The following KMT2C variants were observed in gnomAD, a reference collection of about 807,000 sequenced individuals.
KMT2C encodes lysine methyltransferase 2C, also known as histone-lysine N-methyltransferase 2C.
In KMT2C, 88 loss-of-function variants were observed where a neutral mutation model predicts 507.9. The observed-to-expected ratio is 0.17, with a 90% CI of 0.15 to 0.21. KMT2C has a LOEUF of 0.21. Among genes scored for constraint, KMT2C ranks in the 10% least tolerant of loss-of-function variants. The probability of loss-of-function intolerance (pLI) is 1.00; values close to 1 mark genes in which losing one functional copy is unlikely to be tolerated. For synonymous variants in KMT2C, 2,049 were observed against 2,080.8 expected, an observed-to-expected ratio of 0.98 and a Z score of 0.42; for missense variants, 4,954 against 5,957.8, an observed-to-expected ratio of 0.83 and a Z score of 5.55.
At chr7:152,271,345 T>A (rs1367396713) in intron 7 of KMT2C, among the ~76,000 whole-genome samples, 5 of 151,972 alleles carry the variant, frequency 3.3e-5, no homozygotes, top group Non-Finnish European at 7.4e-5. Flanking sequence ...AACAGATGGG[T>A]CAGAACGCTG....
chr7:152,280,693 C>T (rs926342962), intron 6 of KMT2C, among the ~76,000 whole-genome samples: 5 of 152,160 alleles, frequency 3.3e-5, no homozygotes, highest in South Asian at 4.1e-4. Context: ...ACAGAGAGCA[C>T]AGGTGAGCCT....
intron 38 of KMT2C, among the ~76,000 whole-genome samples, chr7:152,175,332 A>T (rs2093153568): frequency 6.6e-6 from 1 of 151,218 alleles, no homozygotes; most frequent in African/African-American, 2.4e-5. Context: ...ATTTTTTTTT[A>T]ATTATTATAC....
At position 152,144,844 on chromosome 7, in the gene KMT2C, A is replaced by G. The variant is rs2129092825; in HGVS notation, c.14212T>C (p.Phe4738Leu). ...TLNSTSTSKS[F>L]QSTVTGELNA... is the part of the protein sequence containing the mutation. Reference sequence around the variant, plus strand: ...AGTTCTCCAGTGACTGTGCTCTGAAATGACTTTGAGGTGCTGGTGCTGTTT... The same window carrying G: ...AGTTCTCCAGTGACTGTGCTCTGAAGTGACTTTGAGGTGCTGGTGCTGTTT... The change falls in exon 55 of 59, where the codon TTT becomes CTT. Residue 4738 changes from phenylalanine to leucine, a missense_variant. By Grantham distance (22) the Phe-to-Leu change is conservative. Transcript: ENST00000262189. The surrounding 1 kb of genome is among the most constrained non-coding windows in gnomAD (Gnocchi z 4.4). The G allele has an allele frequency of 2.5e-6, 4 of 1,614,138 alleles. No homozygotes were observed. The highest frequency in any genetic ancestry group is 3.4e-6 in the Non-Finnish European group (4 of 1,179,986).
chr7:152,311,776 A>G (rs767981839), intron 5 of KMT2C, 22 bp downstream of exon 5: 2 of 1,535,584 alleles, frequency 1.3e-6, no homozygotes, highest in Non-Finnish European at 1.8e-6. Context: ...AGAGGCAGTC[A>G]TTATTGAAAA....
intron 23 of KMT2C, among the ~76,000 whole-genome samples, chr7:152,215,749 T>C (rs1457690948): frequency 1.4e-5 from 2 of 147,826 alleles, no homozygotes; most frequent in African/African-American, 2.6e-5. Context: ...CACACACACA[T>C]TTCCTTATAC....
In KMT2C at chr7:152,154,051, G is replaced by C. The variant is rs776045872; in HGVS notation, c.12235C>G (p.Leu4079Val). The change falls in exon 48 of 59, where the codon CTT becomes GTT. Residue 4079 changes from leucine (L) to valine (V), a missense_variant. Leu to Val is a conservative substitution (Grantham distance 32, BLOSUM62 1). Transcript: ENST00000262189. The stretch of plus-strand genomic sequence containing the variant: ...TGCAGAGTAATTGCTACAGATATAA[G>C]ACCTGATCTGGGACCATTTGGGGAA... ...GPSPNGPRSGLISVAITLHPT... is the reference protein window; with the variant it reads ...GPSPNGPRSGVISVAITLHPT... 1.9e-6 allele frequency: 3 copies of C among 1,613,906 alleles called. No homozygotes were observed. Among genetic ancestry groups the C allele is most frequent in the Non-Finnish European group, 2.5e-6 (3 of 1,179,944 alleles).
intron 9 of KMT2C, among the ~76,000 whole-genome samples, chr7:152,252,933 A>G (rs914352690): frequency 6.6e-6 from 1 of 151,924 alleles, no homozygotes; most frequent in Non-Finnish European, 1.5e-5. Context: ...GCTCACTGCA[A>G]CCTCTGCCTC....
intron 6 of KMT2C, among the ~76,000 whole-genome samples, chr7:152,301,387 T>C (rs796886693): frequency 6.6e-6 from 1 of 151,512 alleles, no homozygotes; most frequent in African/African-American, 2.4e-5. Context: ...TGGGCACCTG[T>C]AATCCCAGCT....
intron 2 of KMT2C, among the ~76,000 whole-genome samples, chr7:152,333,695 T>C (rs1405213171): frequency 1.3e-5 from 2 of 152,228 alleles, no homozygotes; most frequent in Non-Finnish European, 2.9e-5. Flanking sequence ...GAAAAGTATT[T>C]TGAAAAACAA....
At chr7:152,385,381 G>A (rs2097415555) in intron 1 of KMT2C, among the ~76,000 whole-genome samples, 1 of 136,970 alleles carries the variant, frequency 7.3e-6, no homozygotes, top group South Asian at 2.2e-4. Flanking sequence ...GGGAGGCCGA[G>A]GCGGGCGGAT....
At chr7:152,405,573 T>C (rs545622681) in intron 1 of KMT2C, among the ~76,000 whole-genome samples, 1 of 152,210 alleles carries the variant, frequency 6.6e-6, no homozygotes, top group African/African-American at 2.4e-5. Flanking sequence ...ATTTTTTCCT[T>C]TGTACCTTTT....
intron 1 of KMT2C, among the ~76,000 whole-genome samples, chr7:152,384,944 TTA>T (rs2097409946): frequency 1.3e-5 from 2 of 152,262 alleles, no homozygotes; most frequent in African/African-American, 4.8e-5. Flanking sequence ...TTTACAACTC[TTA>T]ATGAATCAAC....
chr7:152,272,283 A>G (rs1052252210), intron 7 of KMT2C, among the ~76,000 whole-genome samples: 6 of 152,204 alleles, frequency 3.9e-5, no homozygotes, highest in African/African-American at 1.4e-4. Flanking sequence ...ATACACTGTT[A>G]GAACACAGTT....
chr7:152,278,471 C>G (rs2096131550), intron 6 of KMT2C, among the ~76,000 whole-genome samples: 1 of 152,224 alleles, frequency 6.6e-6, no homozygotes, highest in African/African-American at 2.4e-5. Flanking sequence ...TCTTGAAGCC[C>G]TCACCAGAAG....
intron 2 of KMT2C, among the ~76,000 whole-genome samples, chr7:152,340,162 T>TG: frequency 6.6e-6 from 1 of 151,334 alleles, no homozygotes; most frequent in South Asian, 2.1e-4. Context: ...TTTTTTTTTT[T>TG]TTTTTGGTAG....
At chr7:152,269,405 A>G (rs2095916482) in intron 7 of KMT2C, among the ~76,000 whole-genome samples, 1 of 152,220 alleles carries the variant, frequency 6.6e-6, no homozygotes, top group Non-Finnish European at 1.5e-5. Context: ...GATGTGTGGG[A>G]ATACTGAAAC....
intron 1 of KMT2C, among the ~76,000 whole-genome samples, chr7:152,430,804 G>A (rs1421061405): frequency 6.6e-6 from 1 of 152,158 alleles, no homozygotes; most frequent in South Asian, 2.1e-4. Context: ...AAAGTGCTGG[G>A]ATTACATATA....
Position 152,281,743 on chromosome 7 carries a change from CA to C in KMT2C, c.850-7877del, listed in dbSNP as rs144376346. ...TGAGACTCCATCTCAAAAACAAAAACAAAAAAAAAAAGAAATTACTTTATTC... is the reference window on the plus strand; with the variant it reads ...TGAGACTCCATCTCAAAAACAAAAACAAAAAAAAAAGAAATTACTTTATTC... On this transcript the variant is annotated intron_variant, in intron 6 of 58. Transcript: ENST00000262189. Among the ~76,000 whole-genome samples, 1,340 of 134,302 alleles carry C rather than the reference CA, an allele frequency of 1.0e-2. 17 individuals carry two copies. The highest frequency in any genetic ancestry group is 0.034 in the African/African-American group (1,245 of 37,130). The allele number at this position is 134,302 out of a possible 152,430, so 88.1% of individuals were successfully genotyped here.
chr7:152,428,161 A>G, intron 1 of KMT2C, among the ~76,000 whole-genome samples: 1 of 152,198 alleles, frequency 6.6e-6, no homozygotes, highest in East Asian at 1.9e-4. Flanking sequence ...ACCTGCTTTG[A>G]AAACTTTCAT....
Sources: gnomAD v4.1 joint callset for allele counts (sites outside exome capture counted in the v4.1 genomes callset) on GRCh38, gnomAD v4.1.1 for gene constraint, Gnocchi (gnomAD v3.1) non-coding constraint, MANE v1.5 for transcripts, NCBI Gene and HGNC (gene_info 2026-07-23, HGNC 2026-07-21) for gene names.